The following TTC27 variants were observed in gnomAD, a reference collection of about 807,000 sequenced individuals.
TTC27 encodes tetratricopeptide repeat protein 27.
Under a neutral mutation model 115.9 loss-of-function variants are expected in TTC27, and 79 were observed. That is an observed-to-expected ratio of 0.68 (90% CI 0.57 to 0.82). TTC27 has a LOEUF of 0.82. Among genes scored for constraint, TTC27 ranks in the 40% least tolerant of loss-of-function variants. The pLI, the probability that TTC27 is intolerant of heterozygous loss-of-function variation, is 0.00. For missense variants in TTC27, 1,054 were observed against 993.1 expected, an observed-to-expected ratio of 1.06 and a Z score of -0.82; for synonymous variants, 401 against 356.0, an observed-to-expected ratio of 1.13 and a Z score of -1.42.
At chr2:32,634,748 A>G (rs1033014495) in intron 3 of TTC27, among the ~76,000 whole-genome samples, 29 of 151,886 alleles carry the variant, frequency 1.9e-4, no homozygotes, top group Admixed American at 7.9e-4. Context: ...CCTCTGCCCC[A>G]TGGGTTCAAG....
intron 7 of TTC27, among the ~76,000 whole-genome samples, chr2:32,670,602 T>C (rs533012330): frequency 6.0e-5 from 9 of 151,248 alleles, no homozygotes; most frequent in African/African-American, 1.7e-4. Flanking sequence ...TGTGTGAACG[T>C]AAGTTTTTTT....
chr2:32,629,885 G>C (rs1664108096), intron 1 of TTC27, among the ~76,000 whole-genome samples: 1 of 152,220 alleles, frequency 6.6e-6, no homozygotes, highest in Non-Finnish European at 1.5e-5. Context: ...TAAGTACTCT[G>C]TGTGTATGTG....
intron 16 of TTC27, among the ~76,000 whole-genome samples, chr2:32,790,409 C>G (rs967419707): frequency 6.6e-6 from 1 of 151,768 alleles, no homozygotes; most frequent in African/African-American, 2.4e-5. Context: ...CATTTTCTTT[C>G]TTGTTTATCC....
At chr2:32,688,327 T>C (rs1666702730) in intron 9 of TTC27, among the ~76,000 whole-genome samples, 1 of 152,166 alleles carries the variant, frequency 6.6e-6, no homozygotes, top group South Asian at 2.1e-4. Flanking sequence ...TTTCCTCCTA[T>C]GTTTTCTTCA....
At chr2:32,764,318 G>A (rs573622705) in intron 13 of TTC27, among the ~76,000 whole-genome samples, 6 of 152,022 alleles carry the variant, frequency 3.9e-5, no homozygotes, top group South Asian at 4.2e-4. Context: ...CAAGTCATGC[G>A]AATTTTTTGG....
chr2:32,793,040 C>T (rs1278207997), intron 16 of TTC27, among the ~76,000 whole-genome samples: 3 of 152,024 alleles, frequency 2.0e-5, no homozygotes, highest in Non-Finnish European at 4.4e-5. Flanking sequence ...TCTACTATTA[C>T]CTAAATGAAA....
intron 2 of TTC27, among the ~76,000 whole-genome samples, chr2:32,631,565 C>A (rs1476190694): frequency 6.6e-6 from 1 of 152,082 alleles, no homozygotes; most frequent in Non-Finnish European, 1.5e-5. Context: ...AAATTTGATA[C>A]CTCTATCTTT....
intron 10 of TTC27, chr2:32,704,928 G>A (rs1008153324): frequency 2.1e-6 from 1 of 470,950 alleles, no homozygotes; most frequent in Non-Finnish European, 4.4e-6. Context: ...GCTTGTGTTT[G>A]TGAGATTTCT....
chr2:32,706,458 G>T (rs1437974927), intron 10 of TTC27, among the ~76,000 whole-genome samples: 1 of 152,030 alleles, frequency 6.6e-6, no homozygotes, highest in Non-Finnish European at 1.5e-5. Flanking sequence ...ATTTGTTGCT[G>T]TATTAAAAAT....
At chr2:32,741,429 G>A (rs1668632576) in intron 12 of TTC27, among the ~76,000 whole-genome samples, 1 of 151,658 alleles carries the variant, frequency 6.6e-6, no homozygotes, top group African/African-American at 2.4e-5. Context: ...AGATCACGAG[G>A]TCAAGAGATG....
intron 10 of TTC27, among the ~76,000 whole-genome samples, chr2:32,706,449 T>C (rs1235431148): frequency 6.6e-6 from 1 of 152,228 alleles, no homozygotes; most frequent in East Asian, 1.9e-4. Context: ...AATCATATTA[T>C]TTGTTGCTGT....
intron 13 of TTC27, among the ~76,000 whole-genome samples, chr2:32,761,142 C>G (rs1049196039): frequency 6.6e-6 from 1 of 152,188 alleles, no homozygotes. Context: ...TTCTCCCCAT[C>G]CCTAATCCCT....
At chr2:32,802,462 G>T (rs1055575966) in intron 16 of TTC27, among the ~76,000 whole-genome samples, 4 of 151,978 alleles carry the variant, frequency 2.6e-5, no homozygotes, top group African/African-American at 9.7e-5. Flanking sequence ...TAGTCAATCC[G>T]TCAAGACAGG....
intron 3 of TTC27, among the ~76,000 whole-genome samples, chr2:32,636,770 AAG>A (rs1327880162): frequency 6.6e-6 from 1 of 152,212 alleles, no homozygotes; most frequent in Non-Finnish European, 1.5e-5. Flanking sequence ...GCCATTAACA[AAG>A]AGATTTGTGG....
Position 32,736,799 on chromosome 2 carries a change from G to T in TTC27, c.1435G>T (p.Ala479Ser). ...WEDVVICYER[A>S]GQHGKAEEIL... ...AGATGTTGTCATTTGTTATGAAAGA[G>T]CCGGGCAGCACGGAAAGGTATGTAA... The change falls in exon 12 of 20, where the codon GCC (alanine) becomes TCC (serine). Residue 479 changes from alanine to serine, a missense_variant. Coordinates refer to ENST00000317907, the MANE Select transcript of TTC27 (RefSeq NM_017735.5). 1 of 1,613,920 alleles carries T rather than the reference G, an allele frequency of 6.2e-7. No homozygotes were observed. The highest frequency in any genetic ancestry group is 8.5e-7 in the Non-Finnish European group (1 of 1,179,896).
chr2:32,736,938 T>C (rs1185968967), intron 12 of TTC27, 122 bp downstream of exon 12: 1 of 1,351,190 alleles, frequency 7.4e-7, no homozygotes. Flanking sequence ...TTTCACTTTT[T>C]TTCCAGAAAA....
intron 9 of TTC27, among the ~76,000 whole-genome samples, chr2:32,684,842 A>G (rs1256020368): frequency 6.6e-6 from 1 of 151,826 alleles, no homozygotes; most frequent in Non-Finnish European, 1.5e-5. Context: ...TAAGCAAAAT[A>G]AAACGAACAA....
intron 13 of TTC27, among the ~76,000 whole-genome samples, chr2:32,770,623 A>C (rs1669795780): frequency 6.6e-6 from 1 of 152,044 alleles, no homozygotes; most frequent in South Asian, 2.1e-4. Flanking sequence ...TTAGGGAGTG[A>C]CTCTCTTTGA....
At chr2:32,660,759 G>A (rs1032744607) in intron 5 of TTC27, among the ~76,000 whole-genome samples, 3 of 152,152 alleles carry the variant, frequency 2.0e-5, no homozygotes, top group Non-Finnish European at 2.9e-5. Context: ...CTATACAGAA[G>A]CTCTTTAGTT....
Sources: allele counts gnomAD v4.1 joint callset (sites outside exome capture counted in the v4.1 genomes callset), GRCh38; gene constraint gnomAD v4.1.1; transcripts MANE v1.5; gene names NCBI Gene and HGNC (gene_info 2026-07-23, HGNC 2026-07-21).